The following MYRIP variants were observed in gnomAD, a reference collection of about 807,000 sequenced individuals.
The protein encoded by MYRIP is rab effector MyRIP.
MYRIP carries 49 observed loss-of-function variants against 98.0 expected under a neutral mutation model. The ratio of observed to expected loss-of-function variants is 0.50; its 90% confidence interval spans 0.40 to 0.63. MYRIP has a LOEUF of 0.63. Ranked by LOEUF, MYRIP falls within the 30% of genes least tolerant of loss-of-function variation. The probability of loss-of-function intolerance (pLI) is 0.00; values close to 1 mark genes in which losing one functional copy is unlikely to be tolerated. For synonymous variants in MYRIP, 404 were observed against 409.5 expected (o/e 0.99, Z 0.16); for missense variants, 1,004 against 1,058.2 (o/e 0.95, Z 0.71).
intron 10 of MYRIP, among the ~76,000 whole-genome samples, chr3:40,203,511 T>C (rs935439274): frequency 1.3e-5 from 2 of 151,402 alleles, no homozygotes; most frequent in Non-Finnish European, 2.9e-5. Flanking sequence ...AAGGTTATTG[T>C]AAAGAACTTG....
chr3:40,137,430 T>C (rs894500756), intron 3 of MYRIP, among the ~76,000 whole-genome samples: 2 of 152,104 alleles, frequency 1.3e-5, no homozygotes, highest in Non-Finnish European at 2.9e-5. Flanking sequence ...ACCAGATGGA[T>C]TCACAGCCAA....
chr3:40,084,804 A>G lies in MYRIP; in HGVS notation c.332+40533A>G, dbSNP rs376240485. On this transcript the variant is annotated intron_variant, in intron 3 of 16. Transcript: ENST00000302541. ...TGTGTTACATGTCGATAGATAATAT[A>G]TATCTATGTGTTACATGTCGATAGA... Among the ~76,000 whole-genome samples the G allele has an allele frequency of 8.9e-4, 43 of 48,508 alleles. 8 individuals carry two copies. Among genetic ancestry groups the G allele is most frequent in the African/African-American group, 2.3e-3 (38 of 16,568 alleles). The allele number at this position is 48,508 out of a possible 152,430, so 31.8% of individuals were successfully genotyped here.
intron 2 of MYRIP, among the ~76,000 whole-genome samples, chr3:39,999,009 C>G (rs932718180): frequency 6.6e-6 from 1 of 152,146 alleles, no homozygotes; most frequent in African/African-American, 2.4e-5. Flanking sequence ...TTCCTTACAC[C>G]TTATACAAAA....
At chr3:40,085,709 G>A (rs1043076574) in intron 3 of MYRIP, among the ~76,000 whole-genome samples, 2 of 152,134 alleles carry the variant, frequency 1.3e-5, no homozygotes, top group Non-Finnish European at 2.9e-5. Context: ...GGAAAGAATC[G>A]AAAAAGCTTA....
intron 10 of MYRIP, among the ~76,000 whole-genome samples, chr3:40,204,703 T>C (rs1353146430): frequency 6.6e-6 from 1 of 152,170 alleles, no homozygotes; most frequent in East Asian, 1.9e-4. Flanking sequence ...CCACTTTCTC[T>C]GCCTTCACTG....
At chr3:39,970,532 T>C (rs1321854031) in intron 2 of MYRIP, among the ~76,000 whole-genome samples, 1 of 152,128 alleles carries the variant, frequency 6.6e-6, no homozygotes, top group Admixed American at 6.6e-5. Flanking sequence ...CTCTTAGTGA[T>C]CATACATTTC....
chr3:39,831,917 A>G (rs1941462177), intron 1 of MYRIP, among the ~76,000 whole-genome samples: 1 of 152,218 alleles, frequency 6.6e-6, no homozygotes, highest in Non-Finnish European at 1.5e-5. Flanking sequence ...GTATGTAAAG[A>G]AAAGATAACC....
intron 2 of MYRIP, among the ~76,000 whole-genome samples, chr3:39,943,000 C>T (rs1445286050): frequency 1.3e-5 from 2 of 152,132 alleles, no homozygotes; most frequent in Non-Finnish European, 1.5e-5. Context: ...TTCTCTGGAG[C>T]GGCTTCCAGT....
At chr3:39,880,292 T>C (rs1031299908) in intron 1 of MYRIP, among the ~76,000 whole-genome samples, 9 of 152,206 alleles carry the variant, frequency 5.9e-5, no homozygotes, top group Non-Finnish European at 1.2e-4. Flanking sequence ...TATTTTTCCA[T>C]AGTTTATAAT....
chr3:39,809,060 G>A (rs907480423), upstream of MYRIP: 3 of 152,264 alleles, frequency 2.0e-5, no homozygotes, highest in Non-Finnish European at 4.4e-5. Context: ...AAGCAATCCA[G>A]ATAGGGGTCA....
chr3:39,940,416 A>C (rs1029034768), intron 2 of MYRIP, among the ~76,000 whole-genome samples: 1 of 152,090 alleles, frequency 6.6e-6, no homozygotes, highest in African/African-American at 2.4e-5. Context: ...GGGACATTGG[A>C]TTATATTATT....
intron 5 of MYRIP, among the ~76,000 whole-genome samples, chr3:40,164,389 G>C (rs936095387): frequency 6.6e-6 from 1 of 152,180 alleles, no homozygotes; most frequent in Non-Finnish European, 1.5e-5. Context: ...GGGTAGGCCA[G>C]CAGGTTGAAA....
chr3:39,829,431 A>G (rs1157282559), intron 1 of MYRIP, among the ~76,000 whole-genome samples: 3 of 152,172 alleles, frequency 2.0e-5, no homozygotes, highest in Non-Finnish European at 4.4e-5. Context: ...GGTGGTATGC[A>G]TTCACTTTGG....
intron 3 of MYRIP, among the ~76,000 whole-genome samples, chr3:40,062,472 A>G (rs959627686): frequency 6.6e-6 from 1 of 152,228 alleles, no homozygotes; most frequent in African/African-American, 2.4e-5. Context: ...ATTAAAAGAT[A>G]TTAAAAGATT....
intron 1 of MYRIP, among the ~76,000 whole-genome samples, chr3:39,838,572 G>A (rs1941696909): frequency 6.6e-6 from 1 of 152,154 alleles, no homozygotes; most frequent in Non-Finnish European, 1.5e-5. Flanking sequence ...CTTGATCTTG[G>A]TGGATAAGCC....
chr3:39,973,585 A>T (rs62264382), intron 2 of MYRIP, among the ~76,000 whole-genome samples: 5 of 152,168 alleles, frequency 3.3e-5, no homozygotes, highest in African/African-American at 1.2e-4. Flanking sequence ...CCACCCCAAA[A>T]CAACAGAATA....
rs77244495 is a variant in MYRIP, at chr3:39,909,196, A to T, written c.110+8270A>T. Among the ~76,000 whole-genome samples the T allele has an allele frequency of 3.9e-3, 590 of 152,286 alleles. 24 individuals carry two copies. The East Asian group carries it at 0.088, about 23-fold the overall frequency. On this transcript the variant is annotated intron_variant, in intron 2 of 16. Coordinates refer to ENST00000302541, the MANE Select transcript of MYRIP (RefSeq NM_015460.4). ...ACCTGGGGAGAGAGCCTGGAGACTC[A>T]TGGAGGGCAGGTGCGCAGGCCGCAG...
At chr3:39,842,663 G>A (rs1941837617) in intron 1 of MYRIP, among the ~76,000 whole-genome samples, 1 of 152,148 alleles carries the variant, frequency 6.6e-6, no homozygotes, top group South Asian at 2.1e-4. Flanking sequence ...GGGCTGGAAT[G>A]CATGGTACCT....
intron 2 of MYRIP, among the ~76,000 whole-genome samples, chr3:40,026,205 T>G (rs1947122958): frequency 6.6e-6 from 1 of 152,108 alleles, no homozygotes. Flanking sequence ...GGAAAAGAAT[T>G]TAGTGATATC....
Sources: allele counts gnomAD v4.1 joint callset (sites outside exome capture counted in the v4.1 genomes callset), GRCh38; gene constraint gnomAD v4.1.1; transcripts MANE v1.5; gene names NCBI Gene and HGNC (gene_info 2026-07-23, HGNC 2026-07-21).